Variants in PRKD1 observed in about 807,000 individuals in gnomAD.
PRKD1 encodes serine/threonine-protein kinase D1.
A neutral mutation model predicts 95.9 loss-of-function variants in PRKD1; 63 were observed. The ratio of observed to expected loss-of-function variants is 0.66; its 90% CI spans 0.54 to 0.81. PRKD1 has a LOEUF of 0.81. PRKD1 is among the 30% of genes least tolerant of loss of function. PRKD1 has a pLI of 0.00. For synonymous variants in PRKD1, 425 were observed against 423.1 expected (o/e 1.00, Z -0.05); for missense variants, 1,048 against 1,165.3 (o/e 0.90, Z 1.47).
At chr14:29,753,104 G>T (rs1365865878) in intron 1 of PRKD1, among the ~76,000 whole-genome samples, 1 of 152,068 alleles carries the variant, frequency 6.6e-6, no homozygotes, top group African/African-American at 2.4e-5. Flanking sequence ...AAGTCAATAT[G>T]GTTTAAAAAA....
At chr14:29,616,540 C>G (rs546780925) in intron 13 of PRKD1, among the ~76,000 whole-genome samples, 1 of 151,896 alleles carries the variant, frequency 6.6e-6, no homozygotes, top group African/African-American at 2.4e-5. Flanking sequence ...AATTCCCAGG[C>G]TCAAGTGATC....
rs947470005 is a variant in PRKD1, at chr14:29,800,920, T to C, written c.265-75246A>G. On this transcript the variant is annotated intron_variant, in intron 1 of 17. Coordinates refer to ENST00000331968, the MANE Select transcript of PRKD1 (RefSeq NM_002742.3). ...CCCTATTTAAAATAAAATTACTATA[T>C]GGTATATACATTTTAAACTTTAAAA... Among the ~76,000 whole-genome samples, 10 of 152,180 alleles carry C rather than the reference T, an allele frequency of 6.6e-5. No homozygotes were observed. In the East Asian group the frequency reaches 1.7e-3, roughly 26 times the overall value.
intron 1 of PRKD1, among the ~76,000 whole-genome samples, chr14:29,739,582 T>G (rs940488730): frequency 6.6e-6 from 1 of 152,172 alleles, no homozygotes; most frequent in African/African-American, 2.4e-5. Context: ...AATTAAAGTT[T>G]TGAATGTGAA....
intron 1 of PRKD1, among the ~76,000 whole-genome samples, chr14:29,826,830 T>C (rs1470390592): frequency 0.19 from 5,226 of 27,446 alleles, 1,162 homozygotes; most frequent in Non-Finnish European, 0.25. Flanking sequence ...TATATATATA[T>C]ATATATATAC....
chr14:29,852,133 T>A (rs1226447269), intron 1 of PRKD1, among the ~76,000 whole-genome samples: 1 of 152,128 alleles, frequency 6.6e-6, no homozygotes, highest in East Asian at 1.9e-4. Flanking sequence ...GTGGGTACTA[T>A]GTTCACTGCC....
intron 1 of PRKD1, among the ~76,000 whole-genome samples, chr14:29,748,702 C>G (rs1357507427): frequency 1.3e-5 from 2 of 152,112 alleles, no homozygotes; most frequent in Non-Finnish European, 2.9e-5. Context: ...ACATGCCAAG[C>G]ACATAATAGG....
intron 4 of PRKD1, among the ~76,000 whole-genome samples, chr14:29,662,924 T>C (rs369030342): frequency 1.3e-5 from 2 of 151,414 alleles, no homozygotes; most frequent in African/African-American, 4.8e-5. Context: ...TATTTCAGAA[T>C]GTGTTTTTAT....
At chr14:29,679,348 A>T (rs1883403967) in intron 2 of PRKD1, among the ~76,000 whole-genome samples, 1 of 152,170 alleles carries the variant, frequency 6.6e-6, no homozygotes, top group Non-Finnish European at 1.5e-5. Context: ...TCATTTTCAA[A>T]AGCCATTGTT....
At chr14:29,805,445 T>C (rs1428488013) in intron 1 of PRKD1, among the ~76,000 whole-genome samples, 1 of 152,212 alleles carries the variant, frequency 6.6e-6, no homozygotes, top group Non-Finnish European at 1.5e-5. Context: ...ATCTGGGATA[T>C]CAATAGGTGT....
intron 1 of PRKD1, among the ~76,000 whole-genome samples, chr14:29,834,331 A>AT (rs1891529571): frequency 6.6e-6 from 1 of 151,926 alleles, no homozygotes; most frequent in South Asian, 2.1e-4. Context: ...TGGAACTTCC[A>AT]TTTTTTCTCA....
intron 1 of PRKD1, among the ~76,000 whole-genome samples, chr14:29,875,612 T>C (rs1893259514): frequency 6.6e-6 from 1 of 152,198 alleles, no homozygotes; most frequent in Non-Finnish European, 1.5e-5. Flanking sequence ...ATGTTAAAGA[T>C]AAGCAATTTA....
chr14:29,584,134 T>C (rs1262868693), intron 16 of PRKD1, among the ~76,000 whole-genome samples: 1 of 152,202 alleles, frequency 6.6e-6, no homozygotes, highest in Non-Finnish European at 1.5e-5. Context: ...TGTTCTAATA[T>C]GAAAAGAAGC....
chr14:29,617,830 G>C (rs1271903283), intron 13 of PRKD1, among the ~76,000 whole-genome samples: 3 of 152,096 alleles, frequency 2.0e-5, no homozygotes, highest in African/African-American at 7.2e-5. Flanking sequence ...ATTTGGGGAG[G>C]CTGAGGTGGG....
chr14:29,677,862 G>T (rs1883324519), intron 2 of PRKD1, among the ~76,000 whole-genome samples: 1 of 152,192 alleles, frequency 6.6e-6, no homozygotes, highest in Admixed American at 6.5e-5. Flanking sequence ...ACCGTGCCCA[G>T]CCCAGTTCTT....
intron 1 of PRKD1, among the ~76,000 whole-genome samples, chr14:29,925,282 G>A (rs972121396): frequency 1.3e-5 from 2 of 152,004 alleles, no homozygotes; most frequent in Admixed American, 6.6e-5. Context: ...ACTGAACTTC[G>A]GTGCTCTTTC....
At chr14:29,866,215 C>T (rs946669750) in intron 1 of PRKD1, among the ~76,000 whole-genome samples, 9 of 151,816 alleles carry the variant, frequency 5.9e-5, no homozygotes, top group Admixed American at 2.6e-4. Flanking sequence ...ACCTTGAATA[C>T]CTTAACTATG....
chr14:29,583,950 C>CA (rs1174275540), intron 16 of PRKD1, among the ~76,000 whole-genome samples: 3 of 151,986 alleles, frequency 2.0e-5, no homozygotes, highest in South Asian at 2.1e-4. Context: ...AGTTTAGAGA[C>CA]AAAAAAAGTC....
chr14:29,767,431 A>G (rs940542558), intron 1 of PRKD1, among the ~76,000 whole-genome samples: 1 of 152,146 alleles, frequency 6.6e-6, no homozygotes, highest in African/African-American at 2.4e-5. Context: ...CCCCGTGGTT[A>G]TACCTTTTGG....
intron 15 of PRKD1, among the ~76,000 whole-genome samples, 160 bp downstream of exon 15, chr14:29,598,867 A>T (rs1893408574): frequency 6.6e-6 from 1 of 152,224 alleles, no homozygotes; most frequent in Non-Finnish European, 1.5e-5. Flanking sequence ...AGGCCAGAGT[A>T]ACAAGGCCAT....
Sources: gnomAD v4.1 joint callset for allele counts (sites outside exome capture counted in the v4.1 genomes callset) on GRCh38, gnomAD v4.1.1 for gene constraint, MANE v1.5 for transcripts, NCBI Gene and HGNC (gene_info 2026-07-23, HGNC 2026-07-21) for gene names.